Variants in KALRN observed in about 807,000 individuals in gnomAD.
KALRN encodes the protein kalirin.
Under a neutral mutation model 353.7 loss-of-function variants are expected in KALRN, and 70 were observed. That is an observed-to-expected ratio of 0.20 (90% CI 0.16 to 0.24). The LOEUF (loss-of-function observed/expected upper bound fraction) is 0.24. Among genes scored for constraint, KALRN ranks in the 10% least tolerant of loss-of-function variants. The pLI is 1.00. For synonymous variants in KALRN, 1,391 were observed against 1,434.8 expected (o/e 0.97, Z 0.69); for missense variants, 2,791 against 3,756.7 (o/e 0.74, Z 6.72).
intron 6 of KALRN, among the ~76,000 whole-genome samples, chr3:124,308,299 T>G (rs2077904784): frequency 6.6e-6 from 1 of 151,912 alleles, no homozygotes; most frequent in Admixed American, 6.6e-5. Context: ...AACAAAGAAA[T>G]AGAAGACTAT....
At chr3:124,573,639 G>A (rs2073790122) in intron 34 of KALRN, among the ~76,000 whole-genome samples, 1 of 152,088 alleles carries the variant, frequency 6.6e-6, no homozygotes, top group Admixed American at 6.5e-5. Flanking sequence ...AAGTAGCTGG[G>A]ACTACAAGTG....
chr3:124,044,678 G>A (rs1472137121), intron 1 of KALRN, among the ~76,000 whole-genome samples: 1 of 150,736 alleles, frequency 6.6e-6, no homozygotes, highest in South Asian at 2.1e-4. Flanking sequence ...TATTCATATT[G>A]TGAATAGTAA....
At chr3:124,055,291 G>T (rs1339978802) in intron 1 of KALRN, among the ~76,000 whole-genome samples, 1 of 152,298 alleles carries the variant, frequency 6.6e-6, no homozygotes, top group East Asian at 1.9e-4. Context: ...GCAACTGACT[G>T]CTGGAGGGAT....
chr3:124,285,825 T>C (rs2075779969), intron 5 of KALRN, among the ~76,000 whole-genome samples: 1 of 152,190 alleles, frequency 6.6e-6, no homozygotes, highest in East Asian at 1.9e-4. Flanking sequence ...CGTGAGCCAC[T>C]GCACCCTGCT....
intron 34 of KALRN, among the ~76,000 whole-genome samples, chr3:124,603,385 C>A (rs539699251): frequency 6.6e-6 from 1 of 152,190 alleles, no homozygotes; most frequent in Non-Finnish European, 1.5e-5. Flanking sequence ...TTTTCTTGCT[C>A]CGTATGGCAA....
At chr3:124,628,489 C>CCCTTCCT (rs2080336705) in intron 34 of KALRN, among the ~76,000 whole-genome samples, 1 of 84,544 alleles carries the variant, frequency 1.2e-5, no homozygotes, top group African/African-American at 4.0e-5. Flanking sequence ...CTTCCCTTCC[C>CCCTTCCT]TCCCTTCCCT....
At chr3:124,617,513 T>C (rs1331375332) in intron 34 of KALRN, among the ~76,000 whole-genome samples, 2 of 152,180 alleles carry the variant, frequency 1.3e-5, no homozygotes, top group Non-Finnish European at 2.9e-5. Flanking sequence ...AAGTCCTTGG[T>C]AAGCTTCAGA....
chr3:124,567,987 AAAG>A (rs149366603), intron 34 of KALRN, among the ~76,000 whole-genome samples: 13,096 of 151,960 alleles, frequency 0.086, 731 homozygotes, highest in South Asian at 0.12. Context: ...GGGGAAAAAA[AAAG>A]AAGAAGAACA....
rs146052459 is a variant in KALRN at position 124,039,367 on chromosome 3, A to G, written c.73+5554A>G. Among the ~76,000 whole-genome samples the G allele has an allele frequency of 7.2e-4, 110 of 152,332 alleles. 1 individual carries two copies. In the East Asian group the frequency reaches 0.018, roughly 25 times the overall value. On this transcript the variant is annotated intron_variant, in intron 1 of 59. Transcript: ENST00000682506. ...CTTCATTAGTATTGTATTGTTATTT[A>G]GCCTTTCCATACATGAAGGCTTGTC...
intron 1 of KALRN, among the ~76,000 whole-genome samples, chr3:124,045,221 C>G (rs183712934): frequency 2.0e-5 from 3 of 152,014 alleles, no homozygotes; most frequent in Admixed American, 2.0e-4. Flanking sequence ...ATTCTTGTGT[C>G]TGACTACTTA....
chr3:124,235,498 A>G (rs2079643831), intron 3 of KALRN, among the ~76,000 whole-genome samples: 1 of 10,164 alleles, frequency 9.8e-5, no homozygotes, highest in African/African-American at 1.1e-4. Flanking sequence ...CGCCAAGGAC[A>G]TAGTTGAGAC....
intron 10 of KALRN, among the ~76,000 whole-genome samples, chr3:124,368,183 CG>C (rs1231955864): frequency 5.2e-5 from 4 of 76,626 alleles, no homozygotes; most frequent in East Asian, 1.5e-3. Flanking sequence ...GCTGGCCGGG[CG>C]GGGGGCTGAC....
intron 42 of KALRN, among the ~76,000 whole-genome samples, 197 bp downstream of exon 42, chr3:124,658,714 G>A (rs1324258929): frequency 6.6e-6 from 1 of 152,186 alleles, no homozygotes; most frequent in African/African-American, 2.4e-5. Context: ...CACTTGAGAG[G>A]AGCTGAGGTG....
At chr3:124,202,543 T>G (rs906634594) in intron 1 of KALRN, among the ~76,000 whole-genome samples, 4 of 152,166 alleles carry the variant, frequency 2.6e-5, no homozygotes, top group African/African-American at 9.7e-5. Flanking sequence ...TGAGCCACCG[T>G]GCAGCCTACC....
Position 124,374,981 on chromosome 3 carries a change from T to G in KALRN, c.1771-9864T>G, listed in dbSNP as rs1044558757. On this transcript the variant is annotated intron_variant, in intron 10 of 59. Transcript: ENST00000682506. ...CTGCCGAGATGGGGTCACTGGGCAG[T>G]CTATGTATCCACATCTGTATATTTA... Among the ~76,000 whole-genome samples the G allele has an allele frequency of 4.6e-5, 7 of 152,340 alleles. No homozygotes were observed. In the East Asian group the frequency reaches 1.3e-3, roughly 29 times the overall value.
intron 1 of KALRN, among the ~76,000 whole-genome samples, chr3:124,207,003 A>T (rs919315321): frequency 3.9e-5 from 6 of 152,116 alleles, no homozygotes; most frequent in African/African-American, 7.2e-5. Flanking sequence ...GAGTGAAGGG[A>T]CTATTGGGCT....
At chr3:124,474,350 G>A (rs2061230933) in intron 25 of KALRN, among the ~76,000 whole-genome samples, 1 of 152,040 alleles carries the variant, frequency 6.6e-6, no homozygotes, top group African/African-American at 2.4e-5. Flanking sequence ...GATTACTTGT[G>A]TAAAAAAGTA....
At chr3:124,502,149 G>A (rs2108659068) in intron 33 of KALRN, among the ~76,000 whole-genome samples, 1 of 152,282 alleles carries the variant, frequency 6.6e-6, no homozygotes, top group African/African-American at 2.4e-5. Flanking sequence ...AACAGAATAG[G>A]GATGGAGTTA....
At chr3:124,040,581 C>A (rs139647911) in intron 1 of KALRN, among the ~76,000 whole-genome samples, 1 of 152,170 alleles carries the variant, frequency 6.6e-6, no homozygotes, top group African/African-American at 2.4e-5. Context: ...GATGGAGAAA[C>A]GCTGGTATAG....
Sources: gnomAD v4.1 joint callset for allele counts (sites outside exome capture counted in the v4.1 genomes callset) on GRCh38, gnomAD v4.1.1 for gene constraint, MANE v1.5 for transcripts, NCBI Gene and HGNC (gene_info 2026-07-23, HGNC 2026-07-21) for gene names.